Variants in PTPRS observed in about 807,000 individuals in gnomAD.
PTPRS encodes the protein protein tyrosine phosphatase receptor type S, also known as receptor-type tyrosine-protein phosphatase S.
A neutral mutation model predicts 215.3 loss-of-function variants in PTPRS; 63 were observed. The observed-to-expected ratio is 0.29, with a 90% CI of 0.24 to 0.36. The LOEUF (loss-of-function observed/expected upper bound fraction) is 0.36. Among genes scored for constraint, PTPRS ranks in the 10% least tolerant of loss-of-function variants. The probability of loss-of-function intolerance (pLI) is 1.00; values close to 1 mark genes in which losing one functional copy is unlikely to be tolerated. For missense variants in PTPRS, 2,258 were observed against 2,825.8 expected (o/e 0.80, Z 4.56); for synonymous variants, 1,404 against 1,191.4 (o/e 1.18, Z -3.68).
chr19:5,255,579 A>AAAAAAAG lies in PTPRS; in HGVS notation c.718+522_718+528dup, dbSNP rs954598740. Among the ~76,000 whole-genome samples, 10 of 152,016 alleles carry AAAAAAAG rather than the reference A, an allele frequency of 6.6e-5. 1 individual carries two copies. The East Asian group carries it at 1.7e-3, about 26-fold the overall frequency. ...CCCCCAAAACGAAACAAAACCAAAG[A>AAAAAAAG]AAAAAAGAAAAAAGAAAAAAAAAAG... is the stretch of plus-strand genomic sequence containing the variant. On this transcript the variant is annotated intron_variant, in intron 9 of 37. Transcript: ENST00000262963.
At chr19:5,279,717 G>A (rs1018477039) in intron 2 of PTPRS, among the ~76,000 whole-genome samples, 1 of 151,766 alleles carries the variant, frequency 6.6e-6, no homozygotes, top group Non-Finnish European at 1.5e-5. Flanking sequence ...GAGTCTCACT[G>A]TGTCACCCAG....
At chr19:5,322,898 A>AAAAAAAAAAAAAAG (rs775619490) in intron 1 of PTPRS, among the ~76,000 whole-genome samples, 4 of 120,286 alleles carry the variant, frequency 3.3e-5, no homozygotes, top group Admixed American at 9.4e-5. Context: ...AAAAAAAAAA[A>AAAAAAAAAAAAAAG]AAGAAGAAGA....
Position 5,336,423 on chromosome 19 carries a change from C to T in PTPRS, c.-95+4241G>A, listed in dbSNP as rs552889853. On this transcript the variant is annotated intron_variant, in intron 1 of 37. Coordinates refer to ENST00000262963, the MANE Select transcript of PTPRS (RefSeq NM_002850.4). ...GATCACATCCCCTACACTTCACTTC[C>T]TCTCTCCGTGTCCCCCTTCCTCAAT... Among the ~76,000 whole-genome samples the T allele has an allele frequency of 5.3e-5, 8 of 152,140 alleles. No homozygotes were observed. The East Asian group carries it at 1.6e-3, about 30-fold the overall frequency.
chr19:5,266,933 C>T (rs2046443763), intron 4 of PTPRS, among the ~76,000 whole-genome samples: 1 of 152,154 alleles, frequency 6.6e-6, no homozygotes, highest in Non-Finnish European at 1.5e-5. Context: ...GCTCCAACTC[C>T]CTTGCTCTAA....
intron 1 of PTPRS, among the ~76,000 whole-genome samples, chr19:5,331,942 G>C (rs1337735951): frequency 6.6e-6 from 1 of 152,178 alleles, no homozygotes; most frequent in Non-Finnish European, 1.5e-5. Context: ...CTAAAGAACC[G>C]CAGAGGTGGC....
At position 5,286,038 on chromosome 19, in the gene PTPRS, C is replaced by A. The variant is rs775528731; in HGVS notation, c.91+12G>T. On this transcript the variant is annotated intron_variant, in intron 2 of 37. Transcript: ENST00000262963. ...CACGCAGACCCCTGCACATCCCGTGCCGGCTTCTTACCTTCTGCTGCACAG... is the reference window on the plus strand; with the variant it reads ...CACGCAGACCCCTGCACATCCCGTGACGGCTTCTTACCTTCTGCTGCACAG... The A allele has an allele frequency of 1.1e-5, 17 of 1,610,420 alleles. No homozygotes were observed. Among genetic ancestry groups the A allele is most frequent in the Non-Finnish European group, 1.4e-5 (16 of 1,177,200 alleles).
chr19:5,284,353 C>G (rs1041939482), intron 2 of PTPRS, among the ~76,000 whole-genome samples: 3 of 148,916 alleles, frequency 2.0e-5, no homozygotes, highest in African/African-American at 7.4e-5. Context: ...GAGTGAGACT[C>G]TGTCACAAAA....
At chr19:5,308,158 G>A (rs2049562886) in intron 1 of PTPRS, among the ~76,000 whole-genome samples, 1 of 152,174 alleles carries the variant, frequency 6.6e-6, no homozygotes, top group Non-Finnish European at 1.5e-5. Context: ...AAAAATAAAA[G>A]ACGTGGTGTC....
Position 5,240,303 on chromosome 19 carries a change from C to T in PTPRS, c.1600G>A (p.Glu534Lys), listed in dbSNP as rs777007079. The change falls in exon 12 of 38, where the codon GAG becomes AAG. Residue 534 changes from glutamate (E) to lysine (K), a missense_variant. Physicochemically the swap from Glu to Lys is moderately conservative, Grantham distance 56. Around this residue, in one of 6 missense-constraint regions of PTPRS, gnomAD observed 508 missense variants for 799.4 expected, o/e 0.64. Transcript: ENST00000262963. ...VPGQPMNLRA[E>K]ARSETSITLS... ...GTGATGCTGGTCTCCGACCTGGCCT[C>T]GGCCCGCAGGTTCATGGGCTGGCCC... is the stretch of plus-strand genomic sequence containing the variant. The T allele has an allele frequency of 6.2e-5, 100 of 1,603,966 alleles. No homozygotes were observed. The highest frequency in any genetic ancestry group is 3.6e-4 in the Admixed American group (21 of 58,762).
At chr19:5,334,311 G>A (rs2050423885) in intron 1 of PTPRS, among the ~76,000 whole-genome samples, 1 of 152,340 alleles carries the variant, frequency 6.6e-6, no homozygotes, top group African/African-American at 2.4e-5. Context: ...CAACATATCA[G>A]TGTAGCTCCC....
chr19:5,246,055 G>GGGCGGCAGT lies in PTPRS; in HGVS notation c.719-19_719-11dup. 1 of 1,453,380 alleles carries GGGCGGCAGT rather than the reference G, an allele frequency of 6.9e-7. No individual in the cohort carries two copies. The highest frequency in any genetic ancestry group is 9.1e-7 in the Non-Finnish European group (1 of 1,096,436). The allele number at this position is 1,453,380 out of a possible 1,614,324, so 90.0% of individuals were successfully genotyped here. On this transcript the variant is annotated splice_polypyrimidine_tract_variant and intron_variant, in intron 9 of 37. Coordinates refer to ENST00000262963, the MANE Select transcript of PTPRS (RefSeq NM_002850.4). ...GGGGCCACGCGGCGGACTGGGGAGG[G>GGGCGGCAGT]GGCGGCAGTGGCGGCGGGAGGGAGA...
Position 5,206,812 on chromosome 19 carries a change from G to T in PTPRS, c.5809C>A (p.Leu1937Met). 6.2e-7 allele frequency: 1 copy of T among 1,614,154 alleles called. No homozygotes were observed. The highest frequency in any genetic ancestry group is 1.1e-5 in the South Asian group (1 of 91,080). ...DEYQFCYQAA[L>M]EYLGSFDHYA... ...TGGTCAAAGCTTCCGAGGTACTCCA[G>T]TGCCGCCTGGTAACAGAACTGGTAC... is the stretch of plus-strand genomic sequence containing the variant. The change falls in exon 38 of 38, where the codon CTG becomes ATG. Residue 1937 changes from leucine (L) to methionine (M), a missense_variant. Transcript: ENST00000262963.
Position 5,219,329 on chromosome 19 carries a change from C to T in PTPRS, c.3904G>A (p.Ala1302Thr), listed in dbSNP as rs1312373726. ...AVVFIICIVIAILLYKNKPDS... is the reference protein window; with the variant it reads ...AVVFIICIVITILLYKNKPDS... ...GCTTACTTCTTGTAGAGCAGGATAG[C>T]AATGACAATGCAGATTATGAAGACC... is the stretch of plus-strand genomic sequence containing the variant. Residue 1302 changes from alanine (A) to threonine (T), a missense_variant, in exon 23 of 38, where the codon GCT becomes ACT. Ala to Thr is a moderately conservative substitution (Grantham distance 58, BLOSUM62 0). This residue lies in a region of PTPRS where 927 missense variants were observed against 1,125.9 expected (regional missense o/e 0.82). Coordinates refer to ENST00000262963, the MANE Select transcript of PTPRS (RefSeq NM_002850.4). 3 of 1,614,076 alleles carry T rather than the reference C, an allele frequency of 1.9e-6. No individual in the cohort carries two copies. The highest frequency in any genetic ancestry group is 2.5e-6 in the Non-Finnish European group (3 of 1,179,992).
chr19:5,238,134 C>A (rs1445629050), intron 13 of PTPRS, among the ~76,000 whole-genome samples: 1 of 152,150 alleles, frequency 6.6e-6, no homozygotes, highest in Non-Finnish European at 1.5e-5. Flanking sequence ...GAAGGCCACG[C>A]TGGGCTGAGC....
intron 1 of PTPRS, among the ~76,000 whole-genome samples, chr19:5,297,775 GTCTTTCTTT>G: frequency 6.7e-6 from 1 of 149,064 alleles, no homozygotes; most frequent in Non-Finnish European, 1.5e-5. Context: ...TTTCCTTCCA[GTCTTTCTTT>G]TCTTTTCTTT....
intron 2 of PTPRS, among the ~76,000 whole-genome samples, chr19:5,284,589 A>T (rs993952471): frequency 1.3e-5 from 2 of 152,036 alleles, no homozygotes; most frequent in African/African-American, 4.8e-5. Flanking sequence ...GGATGCTGAT[A>T]ATCGCATTCA....
intron 1 of PTPRS, among the ~76,000 whole-genome samples, chr19:5,299,154 G>A (rs540969580): frequency 6.6e-5 from 10 of 151,994 alleles, no homozygotes; most frequent in African/African-American, 1.2e-4. Context: ...GTCAGGTCCC[G>A]TCCCTCCTCT....
chr19:5,220,581 T>C (rs551034793), intron 20 of PTPRS, among the ~76,000 whole-genome samples: 1 of 152,328 alleles, frequency 6.6e-6, no homozygotes, highest in East Asian at 1.9e-4. Context: ...GTAATGCTCA[T>C]TGTTAAACTC....
At chr19:5,316,579 G>C (rs1215709535) in intron 1 of PTPRS, among the ~76,000 whole-genome samples, 2 of 151,772 alleles carry the variant, frequency 1.3e-5, no homozygotes. Context: ...TTTTAGTAGA[G>C]AAGAGTTTTC....
Sources: gnomAD v4.1 joint callset for allele counts (sites outside exome capture counted in the v4.1 genomes callset) on GRCh38, gnomAD v4.1.1 for gene constraint, gnomAD v4.1.1 regional missense constraint, MANE v1.5 for transcripts, NCBI Gene and HGNC (gene_info 2026-07-23, HGNC 2026-07-21) for gene names.